Variants in CCNI2 observed in about 807,000 individuals in gnomAD.
CCNI2 encodes cyclin-I2.
CCNI2 carries 32 observed loss-of-function variants against 33.2 expected under a neutral mutation model. The observed-to-expected ratio is 0.96, with a 90% confidence interval of 0.73 to 1.30. The LOEUF is 1.30. Among genes scored for constraint, CCNI2 ranks in the 50% most tolerant of loss-of-function variants. The probability of loss-of-function intolerance (pLI) is 0.00; values close to 1 mark genes in which losing one functional copy is unlikely to be tolerated. For missense variants in CCNI2, 452 were observed against 486.2 expected, an observed-to-expected ratio of 0.93 and a Z score of 0.66; for synonymous variants, 231 against 219.9, an observed-to-expected ratio of 1.05 and a Z score of -0.45.
chr5:132,747,768 G>A lies in CCNI2; in HGVS notation c.273G>A (p.Ala91=), dbSNP rs28587656. 1.4e-6 allele frequency: 2 copies of A among 1,467,778 alleles called. No homozygotes were observed. Among genetic ancestry groups the A allele is most frequent in the Admixed American group, 2.5e-5 (1 of 39,942 alleles). The allele number at this position is 1,467,778 out of a possible 1,614,324, so 90.9% of individuals were successfully genotyped here. A position where few individuals can be genotyped will look rare whatever the true frequency, so the allele number is the denominator to read the frequency against. ...CGCCAGCCGGGAAAACCGCAGACGC[G>A]GTCCCCGCCGCCGCCCCAGAGCAAG... is the stretch of plus-strand genomic sequence containing the variant. ...GTAPAGKTAD[A]VPAAAPEQAP... is the part of the protein sequence containing the mutation. The change falls in exon 1 of 6, where the codon GCG becomes GCA. Residue 91 remains alanine (A), a synonymous_variant. Transcript: ENST00000378731. This position sits in a 1 kb window ranked among gnomAD's most constrained non-coding sequence, Gnocchi z 4.1.
In CCNI2 at chr5:132,752,019, G is replaced by A. The variant is rs550644991; in HGVS notation, c.828G>A (p.Gln276=). The A allele has an allele frequency of 2.3e-5, 37 of 1,612,496 alleles. No individual in the cohort carries two copies. The South Asian group carries it at 4.0e-4, about 17-fold the overall frequency. Reference sequence around the variant, plus strand: ...CCCATGTGTTGGAGCTGCTGCCTCAGAGGAATCCTTCCCTCCACGTCGCAT... The same window carrying A: ...CCCATGTGTTGGAGCTGCTGCCTCAAAGGAATCCTTCCCTCCACGTCGCAT... ...SWPHVLELLP[Q]RNPSLHVASL... is the part of the protein sequence containing the mutation. Residue 276 remains glutamine (Q), a synonymous_variant, in exon 5 of 6, where the codon CAG becomes CAA. Transcript: ENST00000378731.
chr5:132,747,866 G>T lies in CCNI2; in HGVS notation c.371G>T (p.Cys124Phe). The part of the protein sequence containing the change: ...EGDLDERRLL[C>F]HLQLAQDREA... ...GACCTGGACGAGCGCCGGCTGCTCT[G>T]CCACTTGCAGCTGGCCCAGGACCGC... Residue 124 changes from cysteine to phenylalanine, a missense_variant, in exon 1 of 6, where the codon TGC becomes TTC. By Grantham distance (205) the Cys-to-Phe change is radical. Transcript: ENST00000378731. The surrounding 1 kb of genome is among the most constrained non-coding windows in gnomAD (Gnocchi z 4.1). The T allele has an allele frequency of 6.8e-7, 1 of 1,462,816 alleles. No individual in the cohort carries two copies. The highest frequency in any genetic ancestry group is 2.5e-5 in the Admixed American group (1 of 39,628). 90.6% of individuals were successfully genotyped at this position (1,462,816 alleles called of 1,614,324 possible). A position where few individuals can be genotyped will look rare whatever the true frequency, so the allele number is the denominator to read the frequency against.
chr5:132,755,686 G>A (rs1755263819), downstream of CCNI2, among the ~76,000 whole-genome samples: 1 of 152,142 alleles, frequency 6.6e-6, no homozygotes, highest in African/African-American at 2.4e-5. Context: ...TGTTAAGGAG[G>A]AACACTCCTC....
chr5:132,750,609 GCT>G (rs1479297009), intron 3 of CCNI2, among the ~76,000 whole-genome samples: 3 of 152,246 alleles, frequency 2.0e-5, no homozygotes, highest in Admixed American at 6.5e-5. Flanking sequence ...TTGGGTATGA[GCT>G]AGCATGCAGC....
At chr5:132,749,534 A>G (rs1315878253) in intron 3 of CCNI2, 112 bp downstream of exon 3, 7 of 865,228 alleles carry the variant, frequency 8.1e-6, no homozygotes, top group Non-Finnish European at 1.3e-5. Flanking sequence ...GGATGTTTTG[A>G]AAAAGTCACC....
At chr5:132,748,518 A>G in intron 2 of CCNI2, 43 bp downstream of exon 2, 1 of 1,610,030 alleles carries the variant, frequency 6.2e-7, no homozygotes, top group Middle Eastern at 1.7e-4. Context: ...GTGAGAGAAG[A>G]AACTAACCTT....
At position 132,752,109 on chromosome 5, in the gene CCNI2, A is replaced by T; in HGVS notation, c.918A>T (p.Thr306=). 1 of 1,599,468 alleles carries T rather than the reference A, an allele frequency of 6.3e-7. No homozygotes were observed. The change falls in exon 5 of 6, where the codon ACA becomes ACT. Residue 306 remains threonine, a synonymous_variant. Transcript: ENST00000378731. ...AGCTGCTGCAGTTCAAGGGCTCCAC[A>T]CTGGCCTTGGTCATCATCACCTTAG... ...GHQLLQFKGS[T]LALVIITLEL...
chr5:132,752,087 T>C lies in CCNI2; in HGVS notation c.896T>C (p.Leu299Pro). Residue 299 changes from leucine (L) to proline (P), a missense_variant, in exon 5 of 6, where the codon CTG becomes CCG. Physicochemically the swap from Leu to Pro is moderately conservative, Grantham distance 98 (BLOSUM62 -3). Coordinates refer to ENST00000378731, the MANE Select transcript of CCNI2 (RefSeq NM_001039780.4). Reference protein sequence around the residue: ...QLQHCMAGHQLLQFKGSTLAL... With the variant: ...QLQHCMAGHQPLQFKGSTLAL... Reference sequence around the variant, plus strand: ...CAGCACTGTATGGCGGGCCACCAGCTGCTGCAGTTCAAGGGCTCCACACTG... The same window carrying C: ...CAGCACTGTATGGCGGGCCACCAGCCGCTGCAGTTCAAGGGCTCCACACTG... The C allele has an allele frequency of 6.2e-7, 1 of 1,603,276 alleles. No individual in the cohort carries two copies. The highest frequency in any genetic ancestry group is 8.5e-7 in the Non-Finnish European group (1 of 1,174,978).
chr5:132,754,609 C>T, downstream of CCNI2: 5 of 677,254 alleles, frequency 7.4e-6, no homozygotes, highest in South Asian at 8.1e-5. Context: ...TGATAGAACT[C>T]TTCTATAGGG....
In CCNI2 at chr5:132,747,471, T is replaced by A. The variant is rs1314356894; in HGVS notation, c.-25T>A. 1.4e-6 allele frequency: 2 copies of A among 1,424,794 alleles called. No homozygotes were observed. Among genetic ancestry groups the A allele is most frequent in the African/African-American group, 3.0e-5 (2 of 66,896 alleles). The allele number at this position is 1,424,794 out of a possible 1,614,324, so 88.3% of individuals were successfully genotyped here. A position where few individuals can be genotyped will look rare whatever the true frequency, so the allele number is the denominator to read the frequency against. On this transcript the variant is annotated 5_prime_UTR_variant, in exon 1 of 6. Transcript: ENST00000378731. The surrounding 1 kb of genome is among the most constrained non-coding windows in gnomAD (Gnocchi z 4.1). ...ATAAAATGCCGGGTTAAGCGGCAAC[T>A]CAGACTCAGGATCCCGCTCACGACA...
chr5:132,755,894 C>T, downstream of CCNI2: 12 of 894,504 alleles, frequency 1.3e-5, no homozygotes, highest in African/African-American at 1.9e-5. Context: ...TCAACCTCCA[C>T]AAAATTCAAA....
intron 3 of CCNI2, among the ~76,000 whole-genome samples, chr5:132,750,419 T>G (rs1754759319): frequency 6.6e-6 from 1 of 152,148 alleles, no homozygotes. Flanking sequence ...CATAGGAGGT[T>G]TTATCAATGT....
downstream of CCNI2, chr5:132,754,427 C>A (rs1445630398): frequency 2.8e-6 from 2 of 717,388 alleles, no homozygotes; most frequent in Middle Eastern, 2.3e-4. Context: ...TTTAGGCATC[C>A]CAGGCTTTAG....
In CCNI2 at chr5:132,748,421, G is replaced by C. The variant is rs1370985322; in HGVS notation, c.504G>C (p.Gln168His). 1 of 1,614,150 alleles carries C rather than the reference G, an allele frequency of 6.2e-7. No individual in the cohort carries two copies. The highest frequency in any genetic ancestry group is 8.5e-7 in the Non-Finnish European group (1 of 1,180,024). The change falls in exon 2 of 6, where the codon CAG becomes CAC. Residue 168 changes from glutamine (Q) to histidine (H), a missense_variant. Transcript: ENST00000378731. ...LRLQNTFYFS[Q>H]STFNLALTIF... ...TTCAGAACACCTTTTACTTCTCCCA[G>C]TCCACTTTTAACCTGGCCCTCACCA...
chr5:132,747,745 C>A lies in CCNI2; in HGVS notation c.250C>A (p.Pro84Thr). 1 of 1,470,894 alleles carries A rather than the reference C, an allele frequency of 6.8e-7. No individual in the cohort carries two copies. 91.1% of individuals were successfully genotyped at this position (1,470,894 alleles called of 1,614,324 possible). ...CGTGCGGCCCCGGCGCGGTACGGCG[C>A]CAGCCGGGAAAACCGCAGACGCGGT... The part of the protein sequence containing the change: ...VPVRPRRGTA[P>T]AGKTADAVPA... The change falls in exon 1 of 6, where the codon CCA becomes ACA. Residue 84 changes from proline (P) to threonine (T), a missense_variant. Transcript: ENST00000378731. This position sits in a 1 kb window ranked among gnomAD's most constrained non-coding sequence, Gnocchi z 4.1.
At chr5:132,755,265 C>G (rs941874192), downstream of CCNI2, among the ~76,000 whole-genome samples, 3 of 152,200 alleles carry the variant, frequency 2.0e-5, no homozygotes, top group Non-Finnish European at 2.9e-5. Flanking sequence ...AACCCACATA[C>G]TTTTTATCAC....
In CCNI2 at chr5:132,747,950, C is replaced by T. The variant is rs115577202; in HGVS notation, c.429+26C>T. Reference sequence around the variant, plus strand: ...GTACCCGTCGCTGCCGCGTGGCCCTCCTCGCGCGTGCACGGCAGGCGGATG... The same window carrying T: ...GTACCCGTCGCTGCCGCGTGGCCCTTCTCGCGCGTGCACGGCAGGCGGATG... On this transcript the variant is annotated intron_variant, in intron 1 of 5. Transcript: ENST00000378731. The surrounding 1 kb of genome is among the most constrained non-coding windows in gnomAD (Gnocchi z 4.1). 6 of 1,363,692 alleles carry T rather than the reference C, an allele frequency of 4.4e-6. No individual in the cohort carries two copies. In the East Asian group the frequency reaches 1.2e-4, roughly 28 times the overall value. 84.5% of individuals were successfully genotyped at this position (1,363,692 alleles called of 1,614,324 possible).
chr5:132,751,106 T>G (rs760058401), intron 4 of CCNI2, 109 bp downstream of exon 4: 4 of 1,257,996 alleles, frequency 3.2e-6, no homozygotes, highest in Non-Finnish European at 4.4e-6. Flanking sequence ...CCCTTGCACA[T>G]GCACCACAGT....
Position 132,749,237 on chromosome 5 carries a change from CAG to C in CCNI2, c.559-108_559-107del, listed in dbSNP as rs1754705409. 4.8e-6 allele frequency: 4 copies of C among 834,916 alleles called. No homozygotes were observed. The East Asian group carries it at 1.1e-4, about 23-fold the overall frequency. The allele number at this position is 834,916 out of a possible 1,614,324, so 51.7% of individuals were successfully genotyped here. On this transcript the variant is annotated intron_variant, in intron 2 of 5. Transcript: ENST00000378731. ...TGCCACTGCACTCCAGCCTGGGCAA[CAG>C]AGTGAGACTCCATGTCAAAAAAGTG...
Sources: allele counts gnomAD v4.1 joint callset (sites outside exome capture counted in the v4.1 genomes callset), GRCh38; gene constraint gnomAD v4.1.1; non-coding constraint Gnocchi (gnomAD v3.1); transcripts MANE v1.5; gene names NCBI Gene and HGNC (gene_info 2026-07-23, HGNC 2026-07-21).